AGBL3: variants seen among roughly 807,000 people sequenced by gnomAD.
The protein encoded by AGBL3 is cytosolic carboxypeptidase 3.
In AGBL3, 68 loss-of-function variants were observed where a neutral mutation model predicts 94.5. The observed-to-expected ratio is 0.72, with a 90% CI of 0.59 to 0.88. The LOEUF (loss-of-function observed/expected upper bound fraction) is 0.88, where lower values mean the gene tolerates loss of function less well. AGBL3 is among the 40% of genes least tolerant of loss of function. The pLI is 0.00. For synonymous variants in AGBL3, 354 were observed against 370.7 expected (o/e 0.95, Z 0.52); for missense variants, 934 against 1,103.8 (o/e 0.85, Z 2.18).
At chr7:135,016,237 T>C (rs1284806774) in intron 4 of AGBL3, among the ~76,000 whole-genome samples, 2 of 152,202 alleles carry the variant, frequency 1.3e-5, no homozygotes, top group Non-Finnish European at 2.9e-5. Context: ...TATCAATTTA[T>C]TTGGTCATGT....
At chr7:134,988,628 ATTTAAT>A (rs1421408875) in intron 2 of AGBL3, among the ~76,000 whole-genome samples, 1 of 151,568 alleles carries the variant, frequency 6.6e-6, no homozygotes, top group African/African-American at 2.4e-5. Context: ...CTTTTTGTTA[ATTTAAT>A]TTTTTTTTTT....
chr7:135,118,591 T>G (rs1826654167), intron 16 of AGBL3, among the ~76,000 whole-genome samples: 1 of 152,118 alleles, frequency 6.6e-6, no homozygotes, highest in Admixed American at 6.5e-5. Flanking sequence ...TCTCATAACA[T>G]AATATGAAAG....
Position 134,991,203 on chromosome 7 carries a change from G to GC in AGBL3, c.124+1893_124+1894insC, listed in dbSNP as rs1301583293. ...GAGCTGAGACATTTGTGTGTGGGTGGGGGGGGGGTTGGTTAAAATTTCAGT... is the reference window on the plus strand; with the variant it reads ...GAGCTGAGACATTTGTGTGTGGGTGGCGGGGGGGGTTGGTTAAAATTTCAGT... On this transcript the variant is annotated intron_variant, in intron 3 of 16. Coordinates refer to ENST00000436302, the MANE Select transcript of AGBL3 (RefSeq NM_178563.4). 1.9e-5 allele frequency among the ~76,000 whole-genome samples: 2 copies of GC among 107,274 alleles called. 1 individual carries two copies. The highest frequency in any genetic ancestry group is 8.5e-5 in the African/African-American group (2 of 23,510). 70.4% of individuals were successfully genotyped at this position (107,274 alleles called of 152,430 possible).
At chr7:134,996,366 A>G (rs1306443543) in intron 4 of AGBL3, among the ~76,000 whole-genome samples, 1 of 152,200 alleles carries the variant, frequency 6.6e-6, no homozygotes, top group East Asian at 1.9e-4. Context: ...AATGAAAACC[A>G]TCAGTAAACA....
chr7:135,108,931 C>G (rs73153773), intron 15 of AGBL3, among the ~76,000 whole-genome samples: 10,436 of 152,190 alleles, frequency 0.069, 433 homozygotes, highest in East Asian at 0.19. Flanking sequence ...ATTCAGAGAA[C>G]CAGTCTTCAA....
At chr7:135,122,551 TG>T (rs1827282482) in intron 16 of AGBL3, among the ~76,000 whole-genome samples, 1 of 152,130 alleles carries the variant, frequency 6.6e-6, no homozygotes, top group Non-Finnish European at 1.5e-5. Flanking sequence ...CTTCGTTAAA[TG>T]GGTCCTGTTC....
intron 13 of AGBL3, among the ~76,000 whole-genome samples, chr7:135,078,553 A>T (rs1820662696): frequency 6.6e-6 from 1 of 152,266 alleles, no homozygotes; most frequent in East Asian, 1.9e-4. Context: ...TTTAGTTCTC[A>T]TAAATATATC....
chr7:135,048,615 T>C (rs1440885661), intron 11 of AGBL3, among the ~76,000 whole-genome samples: 3 of 152,044 alleles, frequency 2.0e-5, no homozygotes, highest in East Asian at 3.9e-4. Flanking sequence ...AAATGGGATA[T>C]TTTGTAAAAT....
intron 12 of AGBL3, among the ~76,000 whole-genome samples, chr7:135,061,657 C>T (rs1247429948): frequency 6.6e-6 from 1 of 151,820 alleles, no homozygotes; most frequent in Admixed American, 6.6e-5. Context: ...CTTTTCACAT[C>T]GTGTGATCTT....
At position 135,024,925 on chromosome 7, in the gene AGBL3, A is replaced by C. The variant is rs182024812; in HGVS notation, c.418+7766A>C. ...ATAAACTCATACAAAAATACAGAAG[A>C]AATAATTTTTTTAATGAACAAAACC... On this transcript the variant is annotated intron_variant, in intron 5 of 16. Coordinates refer to ENST00000436302, the MANE Select transcript of AGBL3 (RefSeq NM_178563.4). Among the ~76,000 whole-genome samples the C allele has an allele frequency of 3.1e-4, 46 of 149,568 alleles. 9 individuals carry two copies. The East Asian group carries it at 0.01, about 34-fold the overall frequency.
intron 4 of AGBL3, among the ~76,000 whole-genome samples, chr7:135,005,096 T>C (rs1433454289): frequency 6.6e-6 from 1 of 151,700 alleles, no homozygotes; most frequent in Non-Finnish European, 1.5e-5. Context: ...TTATCACATA[T>C]GTAGCCATCT....
At chr7:135,011,299 G>A (rs1221098708) in intron 4 of AGBL3, 2 of 151,920 alleles carry the variant, frequency 1.3e-5, no homozygotes, top group African/African-American at 2.4e-5. Flanking sequence ...AAAATGAAAG[G>A]TAAAACAATA....
chr7:135,056,106 G>T (rs1250220506), intron 11 of AGBL3, among the ~76,000 whole-genome samples: 2 of 151,938 alleles, frequency 1.3e-5, no homozygotes, highest in Non-Finnish European at 2.9e-5. Context: ...CAGTAGCAAT[G>T]ACCCCTCTTT....
intron 15 of AGBL3, among the ~76,000 whole-genome samples, chr7:135,085,903 G>T (rs1453792849): frequency 1.3e-5 from 2 of 151,976 alleles, no homozygotes; most frequent in African/African-American, 4.8e-5. Flanking sequence ...TTTTGATAGG[G>T]AGTGCATTGA....
At chr7:135,069,418 A>G (rs1008175470) in intron 12 of AGBL3, among the ~76,000 whole-genome samples, 2 of 152,234 alleles carry the variant, frequency 1.3e-5, no homozygotes, top group East Asian at 1.9e-4. Context: ...TCAACAGAAT[A>G]TACATTCTTT....
chr7:135,015,580 A>T (rs1174076868), intron 4 of AGBL3, among the ~76,000 whole-genome samples: 1 of 80,360 alleles, frequency 1.2e-5, no homozygotes, highest in African/African-American at 3.7e-5. Context: ...TCGCTTATAT[A>T]CAAGTTCTTT....
intron 4 of AGBL3, among the ~76,000 whole-genome samples, chr7:135,013,552 CA>C (rs1320291526): frequency 1.3e-5 from 2 of 152,046 alleles, no homozygotes; most frequent in Admixed American, 1.3e-4. Flanking sequence ...GTGGGAAAAA[CA>C]AATTGGTGAT....
At chr7:135,129,645 G>A (rs2117323745) in intron 16 of AGBL3, 1 of 781,242 alleles carries the variant, frequency 1.3e-6, no homozygotes, top group East Asian at 2.4e-5. Context: ...GCTGTTTTAT[G>A]CTGTGGATGT....
chr7:135,031,440 G>C (rs896930074), intron 5 of AGBL3, among the ~76,000 whole-genome samples: 2 of 152,002 alleles, frequency 1.3e-5, no homozygotes, highest in Non-Finnish European at 2.9e-5. Context: ...TGTATTTTTA[G>C]TAGAGATGGG....
Sources: gnomAD v4.1 joint callset for allele counts (sites outside exome capture counted in the v4.1 genomes callset) on GRCh38, gnomAD v4.1.1 for gene constraint, MANE v1.5 for transcripts, NCBI Gene and HGNC (gene_info 2026-07-23, HGNC 2026-07-21) for gene names.